The following TSGA10 variants were observed in gnomAD, a reference collection of about 807,000 sequenced individuals.
TSGA10 encodes the protein testis specific 10.
In TSGA10, 43 loss-of-function variants were observed where a neutral mutation model predicts 96.6. That is an observed-to-expected ratio of 0.44 (90% CI 0.35 to 0.57). The LOEUF is 0.57. Ranked by LOEUF, TSGA10 falls within the 20% of genes least tolerant of loss-of-function variation. TSGA10 has a pLI of 0.01. For missense variants in TSGA10, 703 were observed against 834.4 expected (o/e 0.84, Z 1.94); for synonymous variants, 229 against 269.9 (o/e 0.85, Z 1.48).
At chr2:99,143,878 T>C (rs1444720852) in intron 1 of TSGA10, among the ~76,000 whole-genome samples, 1 of 152,160 alleles carries the variant, frequency 6.6e-6, no homozygotes, top group Non-Finnish European at 1.5e-5. Context: ...AAAGCTTCAC[T>C]ACAAAAACCT....
At chr2:99,083,488 C>T (rs951363501) in intron 10 of TSGA10, among the ~76,000 whole-genome samples, 1 of 152,056 alleles carries the variant, frequency 6.6e-6, no homozygotes, top group African/African-American at 2.4e-5. Flanking sequence ...CAAAAAATAA[C>T]ATGGAGAATT....
intron 1 of TSGA10, among the ~76,000 whole-genome samples, chr2:99,134,409 G>A (rs548787117): frequency 1.6e-4 from 24 of 152,034 alleles, no homozygotes; most frequent in African/African-American, 2.2e-4. Context: ...AAGTTCTCAC[G>A]CTGTGTTTTT....
At chr2:99,125,613 C>T (rs1327409823) in intron 2 of TSGA10, 1 of 152,154 alleles carries the variant, frequency 6.6e-6, no homozygotes, top group Non-Finnish European at 1.5e-5. Context: ...TGAGACCTAG[C>T]ATTGTAAGAC....
intron 10 of TSGA10, among the ~76,000 whole-genome samples, chr2:99,099,962 C>T (rs973786007): frequency 1.6e-4 from 24 of 151,884 alleles, no homozygotes; most frequent in Admixed American, 3.3e-4. Context: ...TGAGTACCTA[C>T]GAATTTAACA....
chr2:99,085,948 G>A (rs1002037398), intron 10 of TSGA10, among the ~76,000 whole-genome samples: 5 of 152,096 alleles, frequency 3.3e-5, no homozygotes, highest in Admixed American at 2.6e-4. Flanking sequence ...ATTAGTCTAC[G>A]GATCAACAGA....
At chr2:99,101,176 C>T (rs1252285226) in intron 10 of TSGA10, among the ~76,000 whole-genome samples, 5 of 120,916 alleles carry the variant, frequency 4.1e-5, no homozygotes, top group South Asian at 5.8e-4. Flanking sequence ...CCCGGGAAGG[C>T]GGAGCTTGCA....
chr2:99,007,671 C>A (rs185951394), intron 20 of TSGA10, among the ~76,000 whole-genome samples: 436 of 152,230 alleles, frequency 2.9e-3, no homozygotes, highest in African/African-American at 8.9e-3. Context: ...CTTTAGAACA[C>A]CACTCTTGAT....
chr2:99,141,330 C>T (rs1452415879), intron 1 of TSGA10: 4 of 306,478 alleles, frequency 1.3e-5, no homozygotes, highest in African/African-American at 2.3e-5. Context: ...TGGCCCCGCC[C>T]TCACGCTCTG....
At chr2:99,049,264 T>C (rs1443857404) in intron 16 of TSGA10, among the ~76,000 whole-genome samples, 1 of 152,138 alleles carries the variant, frequency 6.6e-6, no homozygotes, top group Non-Finnish European at 1.5e-5. Flanking sequence ...CATGCTACTA[T>C]AAAGGCACAT....
intron 11 of TSGA10, chr2:99,079,034 C>T (rs1402435262): frequency 5.5e-6 from 2 of 363,458 alleles, no homozygotes; most frequent in African/African-American, 2.1e-5. Context: ...AGCACAATAA[C>T]AATGAATTAG....
intron 4 of TSGA10, among the ~76,000 whole-genome samples, chr2:99,116,734 A>C (rs2092289352): frequency 6.6e-6 from 1 of 152,216 alleles, no homozygotes; most frequent in South Asian, 2.1e-4. Context: ...AGTTAAAAAA[A>C]AGTTTTAAAT....
chr2:99,126,262 G>C (rs2092817146), intron 2 of TSGA10: 1 of 152,352 alleles, frequency 6.6e-6, no homozygotes. Context: ...TGCTTGGAGT[G>C]GATAGTTACT....
chr2:99,080,343 T>C (rs568078252), intron 11 of TSGA10, among the ~76,000 whole-genome samples: 11 of 152,338 alleles, frequency 7.2e-5, no homozygotes, highest in African/African-American at 2.6e-4. Context: ...CTTCGCTTTC[T>C]GGTCTTCCAA....
At chr2:99,019,005 G>A (rs1234270442) in intron 18 of TSGA10, among the ~76,000 whole-genome samples, 3 of 152,006 alleles carry the variant, frequency 2.0e-5, no homozygotes, top group Non-Finnish European at 4.4e-5. Context: ...AATTAACACC[G>A]GAATTCACTA....
At chr2:99,017,041 T>C (rs945256552) in intron 20 of TSGA10, among the ~76,000 whole-genome samples, 26 of 152,142 alleles carry the variant, frequency 1.7e-4, no homozygotes, top group African/African-American at 6.3e-4. Flanking sequence ...AATGTTTTCA[T>C]TTACACTGCT....
chr2:99,024,545 T>C (rs2080375261), intron 17 of TSGA10, among the ~76,000 whole-genome samples: 1 of 152,168 alleles, frequency 6.6e-6, no homozygotes, highest in African/African-American at 2.4e-5. Flanking sequence ...TTCTAATACG[T>C]TTTTAGTGGA....
rs951312037 is a variant in TSGA10, at chr2:99,150,586, A to G, written c.-621+4107T>C. The G allele has an allele frequency of 1.9e-6, 3 of 1,613,560 alleles. No individual in the cohort carries two copies. In the South Asian group the frequency reaches 3.3e-5, roughly 18 times the overall value. ...GGGATTTTCACTTAGTAAATCTGCT[A>G]CTCAGGTATCTGCTATACATATGGA... On this transcript the variant is annotated intron_variant, in intron 1 of 20. Coordinates refer to ENST00000393483, the MANE Select transcript of TSGA10 (RefSeq NM_025244.4).
chr2:99,036,213 A>G (rs1211631926), intron 16 of TSGA10, among the ~76,000 whole-genome samples: 1 of 152,136 alleles, frequency 6.6e-6, no homozygotes, highest in Non-Finnish European at 1.5e-5. Context: ...ACAAGTGTAA[A>G]GCACTAGAAT....
At chr2:99,134,631 A>G (rs969984018) in intron 1 of TSGA10, among the ~76,000 whole-genome samples, 18 of 152,220 alleles carry the variant, frequency 1.2e-4, no homozygotes, top group African/African-American at 4.3e-4. Context: ...GCTGGCGAGC[A>G]GTTGTAATCC....
Sources: allele counts gnomAD v4.1 joint callset (sites outside exome capture counted in the v4.1 genomes callset), GRCh38; gene constraint gnomAD v4.1.1; transcripts MANE v1.5; gene names NCBI Gene and HGNC (gene_info 2026-07-23, HGNC 2026-07-21).